FBN2: variants seen among roughly 807,000 people sequenced by gnomAD.
FBN2 encodes the protein fibrillin 2.
A neutral mutation model predicts 355.6 loss-of-function variants in FBN2; 105 were observed. That is an observed-to-expected ratio of 0.30 (90% CI 0.25 to 0.35). The LOEUF (loss-of-function observed/expected upper bound fraction) is 0.35, where lower values mean the gene tolerates loss of function less well. FBN2 is among the 10% of genes least tolerant of loss of function. The probability of loss-of-function intolerance (pLI) is 1.00; values close to 1 mark genes in which losing one functional copy is unlikely to be tolerated. For missense variants in FBN2, 3,280 were observed against 3,758.7 expected (o/e 0.87, Z 3.33); for synonymous variants, 1,350 against 1,301.2 (o/e 1.04, Z -0.81).
chr5:128,318,729 T>C lies in FBN2; in HGVS notation c.4594+150A>G, dbSNP rs1057501531. The C allele has an allele frequency of 1.7e-5, 11 of 661,372 alleles. No homozygotes were observed. The Admixed American group carries it at 2.5e-4, about 15-fold the overall frequency. 41.0% of individuals were successfully genotyped at this position (661,372 alleles called of 1,614,324 possible). On this transcript the variant is annotated intron_variant, in intron 35 of 64. Transcript: ENST00000262464. ...AATGCATCAATTCCATAGTTACAAA[T>C]AAATGCATCTGAATATAATTTTCTT...
intron 5 of FBN2, among the ~76,000 whole-genome samples, chr5:128,490,382 A>T (rs1271667571): frequency 6.6e-6 from 1 of 152,220 alleles, no homozygotes; most frequent in Non-Finnish European, 1.5e-5. Flanking sequence ...CATGGAAGCC[A>T]CAGCAAGTGC....
intron 7 of FBN2, among the ~76,000 whole-genome samples, chr5:128,440,081 T>C (rs1242967187): frequency 2.0e-5 from 3 of 152,196 alleles, no homozygotes; most frequent in Non-Finnish European, 4.4e-5. Context: ...TGTGTTTCAT[T>C]GGGCTATTTA....
At chr5:128,502,276 C>A in intron 5 of FBN2, among the ~76,000 whole-genome samples, 1 of 115,598 alleles carries the variant, frequency 8.7e-6, no homozygotes, top group Non-Finnish European at 1.7e-5. Flanking sequence ...TTCACTAAAA[C>A]TTATACAGAA....
intron 5 of FBN2, among the ~76,000 whole-genome samples, chr5:128,483,410 T>G (rs1561479156): frequency 1.3e-5 from 2 of 152,134 alleles, no homozygotes; most frequent in Non-Finnish European, 2.9e-5. Context: ...TAAAAAGCAC[T>G]TTATGAGAAG....
At chr5:128,295,712 C>T (rs1749486500) in intron 48 of FBN2, among the ~76,000 whole-genome samples, 1 of 127,980 alleles carries the variant, frequency 7.8e-6, no homozygotes, top group African/African-American at 3.3e-5. Context: ...GCTGAAGTTG[C>T]TTATCAGCTT....
chr5:128,401,216 C>T (rs1428168387), intron 8 of FBN2, among the ~76,000 whole-genome samples: 1 of 152,100 alleles, frequency 6.6e-6, no homozygotes, highest in East Asian at 1.9e-4. Context: ...ATACCAATCC[C>T]CAGACTTTGG....
chr5:128,273,300 T>C (rs1191605708), intron 61 of FBN2, among the ~76,000 whole-genome samples: 1 of 152,184 alleles, frequency 6.6e-6, no homozygotes, highest in African/African-American at 2.4e-5. Flanking sequence ...AATGTTCCCT[T>C]GGATTTTACA....
At chr5:128,447,174 T>C (rs1234246005) in intron 6 of FBN2, among the ~76,000 whole-genome samples, 1 of 152,150 alleles carries the variant, frequency 6.6e-6, no homozygotes, top group African/African-American at 2.4e-5. Flanking sequence ...TTAAACGATA[T>C]GAAATCTAGG....
chr5:128,527,558 A>G lies in FBN2; in HGVS notation c.532+314T>C, dbSNP rs1298378127. Among the ~76,000 whole-genome samples, 7 of 152,222 alleles carry G rather than the reference A, an allele frequency of 4.6e-5. No homozygotes were observed. In the East Asian group the frequency reaches 1.2e-3, roughly 25 times the overall value. ...CTTGCTCTTTTTTTTTCAGGAAAGT[A>G]TACATGTTTTATGGAGCCAGATAAA... is the stretch of plus-strand genomic sequence containing the variant. On this transcript the variant is annotated intron_variant, in intron 4 of 64. Coordinates refer to ENST00000262464, the MANE Select transcript of FBN2 (RefSeq NM_001999.4).
chr5:128,396,431 T>C (rs1240667400), intron 8 of FBN2, among the ~76,000 whole-genome samples: 1 of 152,104 alleles, frequency 6.6e-6, no homozygotes, highest in Non-Finnish European at 1.5e-5. Context: ...TGTGCCAAAC[T>C]AGATATTGAG....
intron 5 of FBN2, among the ~76,000 whole-genome samples, chr5:128,487,459 C>A (rs958515736): frequency 3.9e-5 from 6 of 152,166 alleles, no homozygotes; most frequent in African/African-American, 1.4e-4. Context: ...CTTACACAAT[C>A]ACTGGAAATA....
chr5:128,302,674 T>C (rs1749751175), intron 46 of FBN2, among the ~76,000 whole-genome samples: 1 of 152,168 alleles, frequency 6.6e-6, no homozygotes, highest in Admixed American at 6.5e-5. Context: ...ATTAAGGAAA[T>C]ACAAATACCC....
Position 128,280,299 on chromosome 5 carries a change from G to T in FBN2, c.7031C>A (p.Thr2344Asn). The T allele has an allele frequency of 6.2e-7, 1 of 1,610,824 alleles. No individual in the cohort carries two copies. The highest frequency in any genetic ancestry group is 8.5e-7 in the Non-Finnish European group (1 of 1,177,346). Reference protein sequence around the residue: ...EGCVDENECRTKPGICENGRC... With the variant: ...EGCVDENECRNKPGICENGRC... The stretch of plus-strand genomic sequence containing the variant: ...TCCATTTTCACAGATTCCTGGCTTG[G>T]TCCTGCATTCATTTTCATCTTTAGA... The change falls in exon 56 of 65, where the codon ACC (threonine) becomes AAC (asparagine). Residue 2344 changes from threonine (T) to asparagine (N), a missense_variant. Transcript: ENST00000262464.
At chr5:128,321,536 T>C (rs923030537) in intron 34 of FBN2, among the ~76,000 whole-genome samples, 2 of 152,196 alleles carry the variant, frequency 1.3e-5, no homozygotes, top group African/African-American at 2.4e-5. Flanking sequence ...AGTGAGAACA[T>C]GCAGTGTTCG....
rs574688233 is a variant in FBN2, at chr5:128,327,784, A to G, written c.4471+912T>C. On this transcript the variant is annotated intron_variant, in intron 34 of 64. Transcript: ENST00000262464. ...CTCCTGAGTAGCTGGGATTACAGGC[A>G]TGAGCCACCATACCCAGCTAATTTT... Among the ~76,000 whole-genome samples the G allele has an allele frequency of 7.2e-5, 11 of 152,136 alleles. No homozygotes were observed. In the East Asian group the frequency reaches 1.9e-3, roughly 27 times the overall value.
intron 7 of FBN2, among the ~76,000 whole-genome samples, chr5:128,423,406 C>T (rs1436523259): frequency 2.0e-5 from 3 of 152,036 alleles, no homozygotes; most frequent in Non-Finnish European, 4.4e-5. Flanking sequence ...TGGTAGCAGG[C>T]AAGAGAACAT....
intron 7 of FBN2, among the ~76,000 whole-genome samples, chr5:128,438,955 T>C (rs1458626328): frequency 7.2e-5 from 11 of 152,174 alleles, no homozygotes; most frequent in Admixed American, 6.5e-4. Flanking sequence ...GGACATTCTA[T>C]GCATTAACAC....
chr5:128,275,374 TAAAC>T (rs1765366296), intron 59 of FBN2, among the ~76,000 whole-genome samples: 1 of 151,932 alleles, frequency 6.6e-6, no homozygotes, highest in South Asian at 2.1e-4. Context: ...GTCATACTCA[TAAAC>T]AATGTACAAC....
At chr5:128,406,582 A>T (rs922404561) in intron 8 of FBN2, among the ~76,000 whole-genome samples, 1 of 152,166 alleles carries the variant, frequency 6.6e-6, no homozygotes, top group African/African-American at 2.4e-5. Flanking sequence ...CTTGCACATA[A>T]GCACTGCGAT....
Sources: gnomAD v4.1 joint callset for allele counts (sites outside exome capture counted in the v4.1 genomes callset) on GRCh38, gnomAD v4.1.1 for gene constraint, MANE v1.5 for transcripts, NCBI Gene and HGNC (gene_info 2026-07-23, HGNC 2026-07-21) for gene names.